GALNT17: variants seen among roughly 807,000 people sequenced by gnomAD.
GALNT17 encodes the protein polypeptide N-acetylgalactosaminyltransferase 17.
Under a neutral mutation model 63.7 loss-of-function variants are expected in GALNT17, and 29 were observed. That is an observed-to-expected ratio of 0.46 (90% CI 0.34 to 0.62). The LOEUF (loss-of-function observed/expected upper bound fraction) is 0.62, where lower values mean the gene tolerates loss of function less well. GALNT17 is among the 20% of genes least tolerant of loss of function. GALNT17 has a pLI of 0.01. For missense variants in GALNT17, 603 were observed against 799.6 expected (o/e 0.75, Z 2.97); for synonymous variants, 305 against 318.3 (o/e 0.96, Z 0.45).
intron 5 of GALNT17, among the ~76,000 whole-genome samples, chr7:71,531,488 A>T (rs1788720409): frequency 6.6e-6 from 1 of 152,248 alleles, no homozygotes; most frequent in African/African-American, 2.4e-5. Context: ...TAGTAGTAGT[A>T]ACAATAGTGA....
intron 1 of GALNT17, among the ~76,000 whole-genome samples, chr7:71,193,831 G>A (rs1300135930): frequency 2.0e-5 from 3 of 152,154 alleles, no homozygotes; most frequent in South Asian, 2.1e-4. Flanking sequence ...TACAGAAATA[G>A]CAAGTGAATA....
intron 1 of GALNT17, among the ~76,000 whole-genome samples, chr7:71,180,986 G>A (rs965729912): frequency 2.6e-5 from 4 of 152,334 alleles, no homozygotes; most frequent in African/African-American, 7.2e-5. Context: ...CAGGTGCGGT[G>A]GCTCACTCCT....
chr7:71,248,764 G>A (rs1391000682), intron 1 of GALNT17, among the ~76,000 whole-genome samples: 2 of 152,094 alleles, frequency 1.3e-5, no homozygotes, highest in Admixed American at 6.5e-5. Context: ...CTATACATCA[G>A]CTCATTCGGT....
chr7:71,229,064 T>G (rs1454467364), intron 1 of GALNT17, among the ~76,000 whole-genome samples: 2 of 152,232 alleles, frequency 1.3e-5, no homozygotes, highest in African/African-American at 4.8e-5. Context: ...TGGGATATGC[T>G]TCCTTCACCG....
chr7:71,444,031 T>A (rs58454573), intron 5 of GALNT17, among the ~76,000 whole-genome samples: 19,311 of 152,198 alleles, frequency 0.13, 1,919 homozygotes, highest in East Asian at 0.54. Flanking sequence ...TCGGCCTGAA[T>A]TGTTCCTTTA....
intron 1 of GALNT17, among the ~76,000 whole-genome samples, chr7:71,145,335 A>G (rs1028369307): frequency 2.6e-5 from 4 of 152,114 alleles, no homozygotes; most frequent in South Asian, 2.1e-4. Flanking sequence ...TTGCTACAAC[A>G]TAACTAAAAA....
intron 6 of GALNT17, among the ~76,000 whole-genome samples, chr7:71,651,466 C>T (rs1275615853): frequency 6.6e-6 from 1 of 152,004 alleles, no homozygotes; most frequent in African/African-American, 2.4e-5. Context: ...CCACACCCAG[C>T]TAATTTTTTG....
chr7:71,184,288 C>G (rs1051468847), intron 1 of GALNT17, among the ~76,000 whole-genome samples: 2 of 152,156 alleles, frequency 1.3e-5, no homozygotes, highest in East Asian at 3.9e-4. Context: ...CATTACTCCA[C>G]GGCAGCCCTA....
intron 5 of GALNT17, among the ~76,000 whole-genome samples, chr7:71,442,206 T>A (rs1202385135): frequency 6.6e-6 from 1 of 151,972 alleles, no homozygotes; most frequent in African/African-American, 2.4e-5. Context: ...TTTTGTTTTG[T>A]TTTGTTTTGA....
At chr7:71,263,136 G>A (rs992185869) in intron 1 of GALNT17, among the ~76,000 whole-genome samples, 6 of 151,978 alleles carry the variant, frequency 3.9e-5, no homozygotes, top group Admixed American at 2.0e-4. Context: ...GAGGCAGGCG[G>A]ATCTTGAGGT....
chr7:71,207,375 C>G (rs1331712893), intron 1 of GALNT17, among the ~76,000 whole-genome samples: 1 of 152,172 alleles, frequency 6.6e-6, no homozygotes, highest in Non-Finnish European at 1.5e-5. Flanking sequence ...TGCATTACCA[C>G]CCACTTCTCT....
intron 2 of GALNT17, among the ~76,000 whole-genome samples, chr7:71,349,608 G>A (rs762962241): frequency 5.9e-4 from 90 of 152,096 alleles, no homozygotes; most frequent in Non-Finnish European, 1.1e-3. Flanking sequence ...TTGGAGTTTC[G>A]TTTCATTATG....
At chr7:71,141,115 T>A (rs1787881799) in intron 1 of GALNT17, among the ~76,000 whole-genome samples, 1 of 151,834 alleles carries the variant, frequency 6.6e-6, no homozygotes, top group Non-Finnish European at 1.5e-5. Flanking sequence ...ACGCCTGTAA[T>A]CCCAGCACTT....
chr7:71,262,494 C>A (rs543964440), intron 1 of GALNT17, among the ~76,000 whole-genome samples: 1 of 152,186 alleles, frequency 6.6e-6, no homozygotes, highest in Non-Finnish European at 1.5e-5. Flanking sequence ...TTCTTGGGAA[C>A]TATTATGGGT....
chr7:71,289,884 G>GA lies in GALNT17; in HGVS notation c.239-45652dup, dbSNP rs57075200. On this transcript the variant is annotated intron_variant, in intron 1 of 10. Transcript: ENST00000333538. ...ACAAGAGCAAAACCCCGTCTCAAAA[G>GA]AAAAAAAAAAAAAAGCCAGATGTGG... Among the ~76,000 whole-genome samples the GA allele has an allele frequency of 6.8e-3, 787 of 116,550 alleles. 5 individuals carry two copies. Among genetic ancestry groups the GA allele is most frequent in the African/African-American group, 0.024 (703 of 29,404 alleles). 76.5% of individuals were successfully genotyped at this position (116,550 alleles called of 152,430 possible).
At chr7:71,695,321 C>A (rs993016886) in intron 9 of GALNT17, among the ~76,000 whole-genome samples, 6 of 152,092 alleles carry the variant, frequency 3.9e-5, no homozygotes, top group African/African-American at 1.2e-4. Flanking sequence ...AAGATGTATC[C>A]CCATTCATTC....
intron 5 of GALNT17, among the ~76,000 whole-genome samples, chr7:71,567,501 G>C (rs550243683): frequency 6.6e-6 from 1 of 152,344 alleles, no homozygotes; most frequent in East Asian, 1.9e-4. Flanking sequence ...GTCTCGCTCT[G>C]TCACCCAGGC....
intron 6 of GALNT17, among the ~76,000 whole-genome samples, chr7:71,639,696 G>A (rs1404427944): frequency 6.6e-6 from 1 of 152,182 alleles, no homozygotes; most frequent in African/African-American, 2.4e-5. Flanking sequence ...AATGCTGTGC[G>A]AACATGCACA....
Position 71,428,938 on chromosome 7 carries a change from C to T in GALNT17, c.962+7833C>T, listed in dbSNP as rs868618121. On this transcript the variant is annotated intron_variant, in intron 5 of 10. Coordinates refer to ENST00000333538, the MANE Select transcript of GALNT17 (RefSeq NM_022479.3). ...CATGTGTCTCCACTTCCAGGGACAC[C>T]GGCCACTAGGCTTGGGGTTAGATGG... Among the ~76,000 whole-genome samples the T allele has an allele frequency of 3.9e-5, 6 of 152,146 alleles. No individual in the cohort carries two copies. In the East Asian group the frequency reaches 7.7e-4, roughly 20 times the overall value.
Sources: gnomAD v4.1 joint callset for allele counts (sites outside exome capture counted in the v4.1 genomes callset) on GRCh38, gnomAD v4.1.1 for gene constraint, MANE v1.5 for transcripts, NCBI Gene and HGNC (gene_info 2026-07-23, HGNC 2026-07-21) for gene names.